GPATCH8: variants seen among roughly 807,000 people sequenced by gnomAD.
GPATCH8 encodes the protein G-patch domain containing 8, also known as G patch domain-containing protein 8.
A neutral mutation model predicts 118.3 loss-of-function variants in GPATCH8; 18 were observed. The observed-to-expected ratio is 0.15, with a 90% CI of 0.11 to 0.23. GPATCH8 has a LOEUF of 0.23. Among genes scored for constraint, GPATCH8 ranks in the 10% least tolerant of loss-of-function variants. The pLI, the probability that GPATCH8 is intolerant of heterozygous loss-of-function variation, is 1.00. For synonymous variants in GPATCH8, 659 were observed against 684.7 expected (o/e 0.96, Z 0.59); for missense variants, 1,631 against 1,873.8 (o/e 0.87, Z 2.39).
At position 44,457,362 on chromosome 17, in the gene GPATCH8, T is replaced by G. The variant is rs2051374475; in HGVS notation, c.193+7110A>C. Among the ~76,000 whole-genome samples the G allele has an allele frequency of 2.6e-5, 4 of 152,228 alleles. No individual in the cohort carries two copies. The South Asian group carries it at 8.3e-4, about 31-fold the overall frequency. On this transcript the variant is annotated intron_variant, in intron 3 of 7. Coordinates refer to ENST00000591680, the MANE Select transcript of GPATCH8 (RefSeq NM_001002909.4). ...ACAAGCTACAGAGAATGTTCATCTC[T>G]CTCAACATATTTTTTGGCTAATGAT... is the stretch of plus-strand genomic sequence containing the variant.
intron 3 of GPATCH8, among the ~76,000 whole-genome samples, chr17:44,449,830 C>T (rs1048265902): frequency 3.9e-5 from 6 of 152,156 alleles, no homozygotes; most frequent in Non-Finnish European, 8.8e-5. Flanking sequence ...ACATTTTTAA[C>T]AAGAACCCAA....
Position 44,397,309 on chromosome 17 carries a change from C to T in GPATCH8, c.*259G>A. ...GATGTTGCTGCAGAGGGGTGGGTAG[C>T]ACTTACTGGTGTTCCCTAGCTTAGA... is the stretch of plus-strand genomic sequence containing the variant. On this transcript the variant is annotated 3_prime_UTR_variant, in exon 8 of 8. Transcript: ENST00000591680. 1 of 645,246 alleles carries T rather than the reference C, an allele frequency of 1.5e-6. No individual in the cohort carries two copies. Among genetic ancestry groups the T allele is most frequent in the Non-Finnish European group, 2.9e-6 (1 of 349,234 alleles). 40.0% of individuals were successfully genotyped at this position (645,246 alleles called of 1,614,324 possible).
At chr17:44,416,262 C>T (rs565978117) in intron 6 of GPATCH8, among the ~76,000 whole-genome samples, 46 of 152,258 alleles carry the variant, frequency 3.0e-4, no homozygotes, top group Non-Finnish European at 4.3e-4. Flanking sequence ...CCATCCACCT[C>T]GGCCTCCCAA....
At chr17:44,444,160 G>A (rs1177728635) in intron 3 of GPATCH8, among the ~76,000 whole-genome samples, 2 of 151,724 alleles carry the variant, frequency 1.3e-5, no homozygotes, top group African/African-American at 2.4e-5. Context: ...AAATCAGAAT[G>A]TTAGGCCTGG....
chr17:44,451,692 C>T (rs2051116708), intron 3 of GPATCH8, among the ~76,000 whole-genome samples: 1 of 152,146 alleles, frequency 6.6e-6, no homozygotes, highest in African/African-American at 2.4e-5. Flanking sequence ...AAGTTCTTAC[C>T]ACTCAACTTT....
intron 6 of GPATCH8, 49 bp from the exon 7 acceptor site, chr17:44,406,100 T>C (rs375646561): frequency 3.5e-6 from 5 of 1,432,622 alleles, no homozygotes; most frequent in South Asian, 2.3e-5. Context: ...TTACAGTAAC[T>C]TGGGAATCAG....
chr17:44,500,344 C>T (rs957299471), intron 1 of GPATCH8, among the ~76,000 whole-genome samples: 8 of 152,084 alleles, frequency 5.3e-5, no homozygotes, highest in African/African-American at 1.9e-4. Flanking sequence ...ATAGTGAAGA[C>T]TATGAGATAA....
chr17:44,446,094 C>T (rs989219243), intron 3 of GPATCH8, among the ~76,000 whole-genome samples: 1 of 151,680 alleles, frequency 6.6e-6, no homozygotes, highest in African/African-American at 2.4e-5. Flanking sequence ...CACTCACCAC[C>T]ATGTGTGGCT....
intron 2 of GPATCH8, among the ~76,000 whole-genome samples, chr17:44,466,823 A>T (rs573411024): frequency 1.3e-5 from 2 of 152,300 alleles, no homozygotes; most frequent in Admixed American, 1.3e-4. Flanking sequence ...GGTTTATCAG[A>T]TAATTGTTTA....
chr17:44,485,884 C>T (rs1285273247), intron 1 of GPATCH8, among the ~76,000 whole-genome samples: 1 of 152,078 alleles, frequency 6.6e-6, no homozygotes, highest in Non-Finnish European at 1.5e-5. Flanking sequence ...TTTTCTAGTA[C>T]ACTAGTGAAT....
chr17:44,443,736 A>G (rs941275675), intron 3 of GPATCH8, among the ~76,000 whole-genome samples: 5 of 152,232 alleles, frequency 3.3e-5, no homozygotes, highest in Admixed American at 3.3e-4. Context: ...TGGCATAACC[A>G]CGGCTCACTG....
chr17:44,487,630 G>A (rs1266075300), intron 1 of GPATCH8, among the ~76,000 whole-genome samples: 2 of 152,140 alleles, frequency 1.3e-5, no homozygotes, highest in Admixed American at 6.6e-5. Flanking sequence ...CAGAACAGAA[G>A]TTTTAAATTT....
chr17:44,459,484 T>C (rs555661077), intron 3 of GPATCH8, among the ~76,000 whole-genome samples: 3 of 152,316 alleles, frequency 2.0e-5, no homozygotes, highest in South Asian at 4.1e-4. Context: ...CCTTCACTTA[T>C]AGGAAATGGT....
intron 1 of GPATCH8, among the ~76,000 whole-genome samples, chr17:44,482,163 G>A (rs1968305128): frequency 6.6e-6 from 1 of 151,144 alleles, no homozygotes; most frequent in South Asian, 2.1e-4. Flanking sequence ...AGTGGGAGCT[G>A]AACAATGAGA....
intron 6 of GPATCH8, among the ~76,000 whole-genome samples, chr17:44,415,506 T>G (rs2049642478): frequency 6.6e-6 from 1 of 152,182 alleles, no homozygotes. Context: ...ATTTTGGATT[T>G]TAATTTTTTG....
intron 7 of GPATCH8, among the ~76,000 whole-genome samples, chr17:44,403,078 A>G (rs1598409656): frequency 6.6e-6 from 1 of 151,760 alleles, no homozygotes; most frequent in Admixed American, 6.6e-5. Context: ...CATGCTGGCT[A>G]ATTTTATTTA....
intron 6 of GPATCH8, among the ~76,000 whole-genome samples, chr17:44,413,231 G>A (rs1164797398): frequency 6.6e-6 from 1 of 152,188 alleles, no homozygotes; most frequent in African/African-American, 2.4e-5. Flanking sequence ...GCCAATTACA[G>A]ATAGTGAAAA....
intron 7 of GPATCH8, among the ~76,000 whole-genome samples, chr17:44,403,433 G>T (rs186744970): frequency 2.4e-3 from 365 of 152,040 alleles, no homozygotes; most frequent in African/African-American, 8.7e-3. Context: ...TGACCAGTTT[G>T]GTCTTGAACA....
Position 44,500,548 on chromosome 17 carries a change from C to A in GPATCH8, c.45+2778G>T, listed in dbSNP as rs147972946. 6.6e-5 allele frequency among the ~76,000 whole-genome samples: 10 copies of A among 152,218 alleles called. No individual in the cohort carries two copies. The East Asian group carries it at 1.9e-3, about 29-fold the overall frequency. ...TTAGGTATTCACAAATTTTAATAGCCCAACTCCCTCACTCCATAATAATTT... is the reference window on the plus strand; with the variant it reads ...TTAGGTATTCACAAATTTTAATAGCACAACTCCCTCACTCCATAATAATTT... On this transcript the variant is annotated intron_variant, in intron 1 of 7. Transcript: ENST00000591680.
Sources: allele counts gnomAD v4.1 joint callset (sites outside exome capture counted in the v4.1 genomes callset), GRCh38; gene constraint gnomAD v4.1.1; transcripts MANE v1.5; gene names NCBI Gene and HGNC (gene_info 2026-07-23, HGNC 2026-07-21).